The following XYLT1 variants were observed in gnomAD, a reference collection of about 807,000 sequenced individuals.
XYLT1 encodes the protein beta-D-xylosyltransferase 1.
A neutral mutation model predicts 91.3 loss-of-function variants in XYLT1; 36 were observed. The observed-to-expected ratio is 0.39, with a 90% CI of 0.30 to 0.52. The LOEUF is 0.52. Ranked by LOEUF, XYLT1 falls within the 20% of genes least tolerant of loss-of-function variation. XYLT1 has a pLI of 0.68. For synonymous variants in XYLT1, 588 were observed against 532.0 expected (o/e 1.11, Z -1.45); for missense variants, 1,242 against 1,284.5 (o/e 0.97, Z 0.51).
chr16:17,129,498 T>G (rs2030391343), intron 9 of XYLT1, among the ~76,000 whole-genome samples: 1 of 152,166 alleles, frequency 6.6e-6, no homozygotes, highest in African/African-American at 2.4e-5. Context: ...ACTCCTGACC[T>G]CAAGTGATCC....
intron 6 of XYLT1, among the ~76,000 whole-genome samples, chr16:17,145,764 G>C: frequency 6.6e-6 from 1 of 152,192 alleles, no homozygotes; most frequent in African/African-American, 2.4e-5. Flanking sequence ...TGATGTGTGG[G>C]GAGGTTCTTA....
At chr16:17,430,506 T>C (rs1250304369) in intron 1 of XYLT1, among the ~76,000 whole-genome samples, 2 of 152,198 alleles carry the variant, frequency 1.3e-5, no homozygotes, top group Non-Finnish European at 1.5e-5. Context: ...TCAAAAATTA[T>C]AAATTTCAAG....
At chr16:17,324,158 CAG>C (rs1310368191) in intron 2 of XYLT1, among the ~76,000 whole-genome samples, 2 of 151,470 alleles carry the variant, frequency 1.3e-5, no homozygotes, top group African/African-American at 2.4e-5. Flanking sequence ...CTTGCCAATC[CAG>C]AGACAACAAG....
intron 3 of XYLT1, among the ~76,000 whole-genome samples, chr16:17,217,980 C>A (rs967653513): frequency 3.3e-5 from 5 of 151,122 alleles, no homozygotes. Flanking sequence ...AGACAAAAAA[C>A]GTTGGGGGTC....
chr16:17,289,575 C>A (rs953393027), intron 2 of XYLT1, among the ~76,000 whole-genome samples: 3 of 152,160 alleles, frequency 2.0e-5, no homozygotes, highest in Admixed American at 6.6e-5. Context: ...AGGATGATAT[C>A]TTTCTGGATT....
At chr16:17,392,658 G>A (rs2035834600) in intron 1 of XYLT1, among the ~76,000 whole-genome samples, 1 of 152,134 alleles carries the variant, frequency 6.6e-6, no homozygotes, top group Admixed American at 6.5e-5. Flanking sequence ...ACTGAGTCAT[G>A]CAAAACACTG....
intron 4 of XYLT1, among the ~76,000 whole-genome samples, 169 bp from the exon 5 acceptor site, chr16:17,198,583 A>G (rs990660792): frequency 3.3e-5 from 5 of 152,102 alleles, no homozygotes; most frequent in African/African-American, 1.2e-4. Flanking sequence ...CTGTACTGCA[A>G]TTCAAACTTG....
At chr16:17,173,857 C>T (rs914375737) in intron 5 of XYLT1, among the ~76,000 whole-genome samples, 1 of 152,234 alleles carries the variant, frequency 6.6e-6, no homozygotes, top group Non-Finnish European at 1.5e-5. Flanking sequence ...ATTTCCTTGT[C>T]TAAGTTGAGC....
At position 17,103,889 on chromosome 16, in the gene XYLT1, T is replaced by A. The variant is rs532235396; in HGVS notation, c.*4806A>T. 2.0e-4 allele frequency: 31 copies of A among 152,518 alleles called. No homozygotes were observed. The highest frequency in any genetic ancestry group is 7.2e-4 in the African/African-American group (30 of 41,512). The allele number at this position is 152,518 out of a possible 1,614,324, so 9.4% of individuals were successfully genotyped here. On this transcript the variant is annotated 3_prime_UTR_variant, in exon 12 of 12. Transcript: ENST00000261381. The stretch of plus-strand genomic sequence containing the variant: ...CATCTTAAGAGGGTCCTATACAGTA[T>A]CTTGTTTGCAAGGTAAACACAAAAC...
At chr16:17,178,963 G>A (rs2032005395) in intron 5 of XYLT1, among the ~76,000 whole-genome samples, 1 of 152,046 alleles carries the variant, frequency 6.6e-6, no homozygotes, top group Non-Finnish European at 1.5e-5. Flanking sequence ...CAGCTACTCA[G>A]GAGGCTGAGA....
chr16:17,372,974 C>G (rs1036575367), intron 1 of XYLT1, among the ~76,000 whole-genome samples: 4 of 152,120 alleles, frequency 2.6e-5, no homozygotes, highest in South Asian at 4.1e-4. Context: ...TTTTCTAACA[C>G]GTTCTTGACC....
chr16:17,312,578 T>C lies in XYLT1; in HGVS notation c.402+45434A>G, dbSNP rs2034567356. Among the ~76,000 whole-genome samples the C allele has an allele frequency of 6.6e-6, 1 of 152,240 alleles. No homozygotes were observed. The highest frequency in any genetic ancestry group is 2.1e-4 in the South Asian group (1 of 4,830). On this transcript the variant is annotated intron_variant, in intron 2 of 11. Transcript: ENST00000261381. The surrounding 1 kb of genome is among the most constrained non-coding windows in gnomAD (Gnocchi z 4.4). Reference sequence around the variant, plus strand: ...CATCTTATGTAACTGCAGTGCAATATTAAAACCAGGCAATTCACATCAGTA... The same window carrying C: ...CATCTTATGTAACTGCAGTGCAATACTAAAACCAGGCAATTCACATCAGTA...
intron 3 of XYLT1, among the ~76,000 whole-genome samples, chr16:17,226,626 A>G (rs1433996861): frequency 1.3e-5 from 2 of 152,110 alleles, no homozygotes. Flanking sequence ...TGTCTCTACT[A>G]AAATACAAAA....
intron 1 of XYLT1, among the ~76,000 whole-genome samples, chr16:17,394,392 C>A (rs2035858651): frequency 6.6e-6 from 1 of 152,134 alleles, no homozygotes; most frequent in Admixed American, 6.5e-5. Context: ...GCGGTGGTCT[C>A]CACACGATCC....
At chr16:17,138,125 A>AAAGG in intron 8 of XYLT1, 1 of 477,944 alleles carries the variant, frequency 2.1e-6, no homozygotes, top group South Asian at 4.9e-5. Context: ...AATAATAATG[A>AAAGG]AAGGTCATTT....
chr16:17,108,045 T>G lies in XYLT1; in HGVS notation c.*650A>C, dbSNP rs1018911044. The G allele has an allele frequency of 2.0e-5, 3 of 152,576 alleles. No homozygotes were observed. Among genetic ancestry groups the G allele is most frequent in the Non-Finnish European group, 4.4e-5 (3 of 68,046 alleles). 9.5% of individuals were successfully genotyped at this position (152,576 alleles called of 1,614,324 possible). On this transcript the variant is annotated 3_prime_UTR_variant, in exon 12 of 12. Coordinates refer to ENST00000261381, the MANE Select transcript of XYLT1 (RefSeq NM_022166.4). ...AGCTCTCCTAAGGCTGCAGCCTCCATGGGAAAGGGCCCACGACCATGACTT... is the reference window on the plus strand; with the variant it reads ...AGCTCTCCTAAGGCTGCAGCCTCCAGGGGAAAGGGCCCACGACCATGACTT...
intron 1 of XYLT1, among the ~76,000 whole-genome samples, chr16:17,441,449 G>C (rs1229827635): frequency 6.6e-6 from 1 of 152,124 alleles, no homozygotes; most frequent in Non-Finnish European, 1.5e-5. Context: ...CCCTGGGCCT[G>C]ATTCTCTTAC....
chr16:17,459,124 C>A (rs1197424043), intron 1 of XYLT1, among the ~76,000 whole-genome samples: 1 of 152,124 alleles, frequency 6.6e-6, no homozygotes, highest in Non-Finnish European at 1.5e-5. Flanking sequence ...GTAATCCCAG[C>A]AGTTTGGGAG....
chr16:17,225,614 A>C (rs1437317214), intron 3 of XYLT1, among the ~76,000 whole-genome samples: 6 of 152,148 alleles, frequency 3.9e-5, no homozygotes, highest in Admixed American at 3.9e-4. Flanking sequence ...GGAAAAAAAA[A>C]AAACCCAATT....
Sources: gnomAD v4.1 joint callset for allele counts (sites outside exome capture counted in the v4.1 genomes callset) on GRCh38, gnomAD v4.1.1 for gene constraint, Gnocchi (gnomAD v3.1) non-coding constraint, MANE v1.5 for transcripts, NCBI Gene and HGNC (gene_info 2026-07-23, HGNC 2026-07-21) for gene names.